The following ADGRL2 variants were observed in gnomAD, a reference collection of about 807,000 sequenced individuals.
The protein encoded by ADGRL2 is calcium-independent alpha-latrotoxin receptor 2.
A neutral mutation model predicts 157.4 loss-of-function variants in ADGRL2; 44 were observed. The ratio of observed to expected loss-of-function variants is 0.28; its 90% CI spans 0.22 to 0.36. The LOEUF (loss-of-function observed/expected upper bound fraction) is 0.36. ADGRL2 is among the 10% of genes least tolerant of loss of function. The pLI is 1.00. For missense variants in ADGRL2, 1,510 were observed against 1,768.9 expected (o/e 0.85, Z 2.63); for synonymous variants, 585 against 624.7 (o/e 0.94, Z 0.95).
chr1:81,598,209 C>T (rs1389936555), intron 3 of ADGRL2, among the ~76,000 whole-genome samples: 1 of 152,084 alleles, frequency 6.6e-6, no homozygotes, highest in African/African-American at 2.4e-5. Flanking sequence ...TCTTGGTTAG[C>T]CAAACTCAAC....
intron 1 of ADGRL2, among the ~76,000 whole-genome samples, chr1:81,356,824 G>A (rs1417686224): frequency 2.6e-5 from 4 of 151,610 alleles, no homozygotes; most frequent in Non-Finnish European, 4.4e-5. Flanking sequence ...GTGGTGGTGG[G>A]AGCCTGTAGT....
intron 3 of ADGRL2, among the ~76,000 whole-genome samples, chr1:81,920,479 A>C (rs904487614): frequency 1.3e-5 from 2 of 152,158 alleles, no homozygotes; most frequent in African/African-American, 4.8e-5. Flanking sequence ...GTCACTCCAC[A>C]GGAACTGCCA....
chr1:81,505,200 A>C lies in ADGRL2; in HGVS notation c.-248+60111A>C, dbSNP rs1341508029. 1.8e-3 allele frequency: 127 copies of C among 68,784 alleles called. No homozygotes were observed. The South Asian group carries it at 0.034, about 18-fold the overall frequency. 4.3% of individuals were successfully genotyped at this position (68,784 alleles called of 1,614,324 possible). On this transcript the variant is annotated intron_variant, in intron 2 of 24. Transcript: ENST00000370721. ...TCCACACACGCTCACCCCCACTCCCACACACACACACACACACACACACAC... is the reference window on the plus strand; with the variant it reads ...TCCACACACGCTCACCCCCACTCCCCCACACACACACACACACACACACAC...
chr1:81,380,127 C>G (rs1302202259), intron 1 of ADGRL2, among the ~76,000 whole-genome samples: 1 of 152,160 alleles, frequency 6.6e-6, no homozygotes, highest in Non-Finnish European at 1.5e-5. Context: ...CTTTCAGAAG[C>G]CTGAGCTACA....
chr1:81,525,207 C>G (rs564207849), intron 2 of ADGRL2, among the ~76,000 whole-genome samples: 20 of 152,214 alleles, frequency 1.3e-4, no homozygotes, highest in African/African-American at 4.8e-4. Flanking sequence ...GGGAGAGTGG[C>G]TCACCTCTCT....
rs745554138 is a variant in ADGRL2, at chr1:81,984,683, C to G, written c.3383C>G (p.Thr1128Ser). The G allele has an allele frequency of 6.2e-7, 1 of 1,612,814 alleles. No individual in the cohort carries two copies. The highest frequency in any genetic ancestry group is 1.7e-5 in the Admixed American group (1 of 59,902). The change falls in exon 20 of 24, where the codon ACC becomes AGC. Residue 1128 changes from threonine (T) to serine (S), a missense_variant. Thr to Ser is a moderately conservative substitution (Grantham distance 58). Transcript: ENST00000686636. ...HSSVKASTTR[T>S]SARYSSGTQS... The stretch of plus-strand genomic sequence containing the variant: ...TCAGTGAAGGCATCAACCACCAGAA[C>G]CAGTGCTCGCTATTCCTCTGGCACA...
chr1:81,790,501 T>C (rs950090989), intron 2 of ADGRL2, among the ~76,000 whole-genome samples: 1 of 152,234 alleles, frequency 6.6e-6, no homozygotes, highest in Non-Finnish European at 1.5e-5. Context: ...AAAACAAATT[T>C]ATTGTTATGT....
At chr1:81,717,688 C>A (rs2149106696) in intron 1 of ADGRL2, among the ~76,000 whole-genome samples, 1 of 152,296 alleles carries the variant, frequency 6.6e-6, no homozygotes, top group East Asian at 1.9e-4. Context: ...TCCTTTACTC[C>A]ATGCCTGGAT....
intron 1 of ADGRL2, among the ~76,000 whole-genome samples, chr1:81,736,892 T>TGCCACA (rs1452437507): frequency 6.6e-6 from 1 of 152,188 alleles, no homozygotes; most frequent in African/African-American, 2.4e-5. Flanking sequence ...TGGAGTGCAG[T>TGCCACA]GCCACAGTCT....
At chr1:81,797,127 A>G (rs1228204323), upstream of ADGRL2, among the ~76,000 whole-genome samples, 1 of 152,182 alleles carries the variant, frequency 6.6e-6, no homozygotes, top group Non-Finnish European at 1.5e-5. Flanking sequence ...TAGAGTAGGA[A>G]AAACTAGTTT....
chr1:81,891,361 GT>G (rs1239217996), intron 2 of ADGRL2, among the ~76,000 whole-genome samples: 9 of 151,998 alleles, frequency 5.9e-5, no homozygotes, highest in African/African-American at 2.2e-4. Context: ...TCTTAGTCAA[GT>G]TTTTTGGTTA....
intron 1 of ADGRL2, among the ~76,000 whole-genome samples, chr1:81,374,395 A>G (rs2076211351): frequency 6.6e-6 from 1 of 152,064 alleles, no homozygotes; most frequent in Non-Finnish European, 1.5e-5. Context: ...AACATGGCAA[A>G]ACCCCATCTC....
chr1:81,746,421 C>T (rs1402151224), intron 1 of ADGRL2, among the ~76,000 whole-genome samples: 1 of 152,110 alleles, frequency 6.6e-6, no homozygotes, highest in Non-Finnish European at 1.5e-5. Context: ...TCCTGAGTAG[C>T]TGGGACTACA....
chr1:81,503,292 C>T, intron 2 of ADGRL2: 1 of 1,614,188 alleles, frequency 6.2e-7, no homozygotes, highest in Non-Finnish European at 8.5e-7. Context: ...ACATCGATGG[C>T]ACCACCTACG....
At chr1:81,369,912 G>A (rs539610501) in intron 1 of ADGRL2, among the ~76,000 whole-genome samples, 131 of 152,194 alleles carry the variant, frequency 8.6e-4, no homozygotes, top group Non-Finnish European at 1.4e-3. Flanking sequence ...CTGCAAACTG[G>A]ATAGCAGCTT....
chr1:81,980,484 A>C (rs1661346466), intron 18 of ADGRL2, among the ~76,000 whole-genome samples: 1 of 151,810 alleles, frequency 6.6e-6, no homozygotes, highest in Admixed American at 6.6e-5. Flanking sequence ...TCTAATTAAC[A>C]ACAAATGATA....
At chr1:81,578,205 G>T (rs1206156027) in intron 2 of ADGRL2, among the ~76,000 whole-genome samples, 1 of 152,154 alleles carries the variant, frequency 6.6e-6, no homozygotes, top group African/African-American at 2.4e-5. Context: ...TATCTCACAG[G>T]TAATGCTTGT....
At chr1:81,632,482 G>T (rs566982487) in intron 3 of ADGRL2, among the ~76,000 whole-genome samples, 3 of 152,112 alleles carry the variant, frequency 2.0e-5, no homozygotes, top group South Asian at 2.1e-4. Flanking sequence ...TCATAGGCCC[G>T]GCACGGTGGC....
chr1:81,958,117 C>T (rs942426014), intron 11 of ADGRL2, among the ~76,000 whole-genome samples: 3 of 150,200 alleles, frequency 2.0e-5, no homozygotes, highest in South Asian at 2.1e-4. Flanking sequence ...ATTAGCCAGG[C>T]GTGGTGGGGG....
Sources: gnomAD v4.1 joint callset for allele counts (sites outside exome capture counted in the v4.1 genomes callset) on GRCh38, gnomAD v4.1.1 for gene constraint, MANE v1.5 for transcripts, NCBI Gene and HGNC (gene_info 2026-07-23, HGNC 2026-07-21) for gene names.